The following PVT1 variants were observed in gnomAD, a reference collection of about 807,000 sequenced individuals.
PVT1 encodes the protein Pvt1 oncogene.
chr8:128,094,924 T>C (rs1255498305), intron 5 of PVT1, among the ~76,000 whole-genome samples: 1 of 152,164 alleles, frequency 6.6e-6, no homozygotes, highest in Non-Finnish European at 1.5e-5. Context: ...TTAAATCCAT[T>C]GCGTCTTTTG....
intron 4 of PVT1, among the ~76,000 whole-genome samples, chr8:128,025,662 G>T (rs1395696324): frequency 6.6e-6 from 1 of 152,206 alleles, no homozygotes; most frequent in Non-Finnish European, 1.5e-5. Context: ...TTGGAACCAT[G>T]TGACAGACTA....
chr8:127,821,666 G>T (rs1430589560), intron 2 of PVT1, among the ~76,000 whole-genome samples: 4 of 152,074 alleles, frequency 2.6e-5, no homozygotes, highest in Non-Finnish European at 5.9e-5. Flanking sequence ...CAAAAAATTA[G>T]CTGGGCATGG....
intron 2 of PVT1, among the ~76,000 whole-genome samples, chr8:127,832,158 C>T (rs751558176): frequency 2.0e-5 from 3 of 152,198 alleles, no homozygotes; most frequent in Middle Eastern, 3.4e-3. Context: ...ACCCCCATCT[C>T]GGCATACATC....
intron 3 of PVT1, among the ~76,000 whole-genome samples, chr8:127,956,686 T>C (rs909356431): frequency 3.2e-4 from 48 of 152,210 alleles, no homozygotes; most frequent in Admixed American, 3.1e-3. Context: ...AATTTCACCA[T>C]GTTGGGCAGG....
intron 5 of PVT1, among the ~76,000 whole-genome samples, chr8:128,091,915 T>C (rs1200987251): frequency 6.6e-6 from 1 of 152,150 alleles, no homozygotes; most frequent in Non-Finnish European, 1.5e-5. Flanking sequence ...AGTGTCCCCA[T>C]TGTCCTGTGG....
intron 2 of PVT1, among the ~76,000 whole-genome samples, chr8:127,842,296 C>T (rs1258588764): frequency 2.0e-5 from 3 of 151,178 alleles, no homozygotes; most frequent in East Asian, 1.9e-4. Context: ...GCTCCATCAC[C>T]CAGGCTGGAG....
chr8:127,896,059 G>T (rs1815671019), intron 3 of PVT1, among the ~76,000 whole-genome samples: 1 of 152,200 alleles, frequency 6.6e-6, no homozygotes, highest in Non-Finnish European at 1.5e-5. Flanking sequence ...ATTGTTACAA[G>T]ATGCAATATT....
intron 2 of PVT1, among the ~76,000 whole-genome samples, chr8:127,800,786 A>G (rs72718565): frequency 0.039 from 6,010 of 152,288 alleles, 172 homozygotes; most frequent in Non-Finnish European, 0.06. Flanking sequence ...ACAGATTTCC[A>G]TGCTAGAGCT....
intron 4 of PVT1, among the ~76,000 whole-genome samples, chr8:128,031,664 G>C (rs992028228): frequency 6.6e-6 from 1 of 152,208 alleles, no homozygotes; most frequent in Non-Finnish European, 1.5e-5. Flanking sequence ...AACGGTAGCA[G>C]CTAATACTTT....
chr8:127,839,861 G>T (rs1814953197), intron 2 of PVT1, among the ~76,000 whole-genome samples: 1 of 152,134 alleles, frequency 6.6e-6, no homozygotes, highest in Admixed American at 6.5e-5. Context: ...GTACCCAGCC[G>T]CTGCCATGTG....
intron 3 of PVT1, among the ~76,000 whole-genome samples, chr8:127,893,648 C>T (rs1025786478): frequency 1.6e-4 from 24 of 152,360 alleles, no homozygotes; most frequent in African/African-American, 5.1e-4. Context: ...AAAGCCACTG[C>T]ACAACATTGC....
chr8:127,942,163 G>C (rs543519546), intron 3 of PVT1, among the ~76,000 whole-genome samples: 1 of 152,238 alleles, frequency 6.6e-6, no homozygotes, highest in South Asian at 2.1e-4. Flanking sequence ...AGACACTTTC[G>C]CCTGTCAGTT....
intron 4 of PVT1, among the ~76,000 whole-genome samples, chr8:128,053,258 A>G (rs1813719956): frequency 6.6e-6 from 1 of 152,140 alleles, no homozygotes; most frequent in Non-Finnish European, 1.5e-5. Flanking sequence ...GAAGAAATGC[A>G]TTAATAATTT....
intron 3 of PVT1, among the ~76,000 whole-genome samples, chr8:127,914,574 G>A (rs749709367): frequency 6.6e-6 from 1 of 152,020 alleles, no homozygotes; most frequent in South Asian, 2.1e-4. Context: ...GTCTGTCCGC[G>A]GAAGAATAGC....
At chr8:127,845,924 C>T (rs1815029008) in intron 2 of PVT1, among the ~76,000 whole-genome samples, 1 of 152,230 alleles carries the variant, frequency 6.6e-6, no homozygotes, top group Non-Finnish European at 1.5e-5. Context: ...TCCTATTTGT[C>T]TTAGCTTCTC....
intron 3 of PVT1, among the ~76,000 whole-genome samples, chr8:127,925,956 T>C (rs979232405): frequency 3.3e-5 from 5 of 152,188 alleles, no homozygotes; most frequent in African/African-American, 1.2e-4. Context: ...TTAGACTTTT[T>C]TGGGGTGTAA....
rs374491408 is a variant in PVT1 at position 128,061,952 on chromosome 8, T to C, written n.913-8208T>C. Reference sequence around the variant, plus strand: ...AGAGGAAAAAGCAAAATATCTGTATTTTAATTATCACATGACCTGACTGGC... The same window carrying C: ...AGAGGAAAAAGCAAAATATCTGTATCTTAATTATCACATGACCTGACTGGC... On this transcript the variant is annotated intron_variant and non_coding_transcript_variant, in intron 4 of 10. Transcript: ENST00000651587. Among the ~76,000 whole-genome samples the C allele has an allele frequency of 4.6e-5, 7 of 152,384 alleles. 1 individual carries two copies. In the East Asian group the frequency reaches 1.3e-3, roughly 29 times the overall value.
intron 4 of PVT1, among the ~76,000 whole-genome samples, chr8:128,016,850 T>C (rs16902546): frequency 0.016 from 2,485 of 152,344 alleles, 66 homozygotes; most frequent in African/African-American, 0.056. Context: ...TGTCTCAGTC[T>C]GGATGAGGAT....
chr8:127,961,838 C>T (rs557727534), intron 3 of PVT1, among the ~76,000 whole-genome samples: 1 of 152,248 alleles, frequency 6.6e-6, no homozygotes, highest in East Asian at 1.9e-4. Context: ...AGAGGCCCCC[C>T]CTGCCCGAGT....
Sources: gnomAD v4.1 joint callset for allele counts (sites outside exome capture counted in the v4.1 genomes callset) on GRCh38, gnomAD v4.1.1 for gene constraint, MANE v1.5 for transcripts, NCBI Gene and HGNC (gene_info 2026-07-23, HGNC 2026-07-21) for gene names.